Variants in LRP6 observed in about 807,000 individuals in gnomAD.
LRP6 encodes the protein low-density lipoprotein receptor-related protein 6.
Under a neutral mutation model 184.1 loss-of-function variants are expected in LRP6, and 43 were observed. The ratio of observed to expected loss-of-function variants is 0.23; its 90% CI spans 0.18 to 0.30. The LOEUF (loss-of-function observed/expected upper bound fraction) is 0.30. Ranked by LOEUF, LRP6 falls within the 10% of genes least tolerant of loss-of-function variation. The pLI, the probability that LRP6 is intolerant of heterozygous loss-of-function variation, is 1.00. For synonymous variants in LRP6, 719 were observed against 684.9 expected (o/e 1.05, Z -0.78); for missense variants, 1,571 against 2,005.3 (o/e 0.78, Z 4.14).
chr12:12,258,169 T>G (rs1344642429), intron 1 of LRP6, among the ~76,000 whole-genome samples: 1 of 152,166 alleles, frequency 6.6e-6, no homozygotes, highest in Non-Finnish European at 1.5e-5. Context: ...TGATATGGAG[T>G]GCAGTGGCAT....
At chr12:12,225,885 AAG>A (rs984412571) in intron 2 of LRP6, among the ~76,000 whole-genome samples, 2 of 151,870 alleles carry the variant, frequency 1.3e-5, no homozygotes, top group African/African-American at 4.8e-5. Context: ...AAAAAAAAAA[AAG>A]AGAGAGACCT....
intron 2 of LRP6, among the ~76,000 whole-genome samples, chr12:12,235,378 T>C (rs1864905468): frequency 6.6e-6 from 1 of 152,156 alleles, no homozygotes; most frequent in Non-Finnish European, 1.5e-5. Context: ...TATGTGTGTC[T>C]ACATACATCA....
At chr12:12,126,558 T>C (rs1949674099) in intron 20 of LRP6, 133 bp downstream of exon 20, 3 of 744,998 alleles carry the variant, frequency 4.0e-6, no homozygotes, top group Middle Eastern at 3.2e-4. Context: ...AAAAGAACGT[T>C]TGTCCTTATA....
chr12:12,196,784 C>T (rs553625380), intron 3 of LRP6, among the ~76,000 whole-genome samples: 2 of 152,290 alleles, frequency 1.3e-5, no homozygotes, highest in East Asian at 3.9e-4. Context: ...TGACCAGACT[C>T]ATGATGAATT....
intron 2 of LRP6, among the ~76,000 whole-genome samples, chr12:12,213,209 T>C (rs1864255182): frequency 6.6e-6 from 1 of 152,190 alleles, no homozygotes; most frequent in African/African-American, 2.4e-5. Context: ...TTTTGGTATG[T>C]ATATTTTCAC....
intron 2 of LRP6, among the ~76,000 whole-genome samples, chr12:12,218,157 T>C (rs1037148772): frequency 6.6e-6 from 1 of 152,044 alleles, no homozygotes; most frequent in African/African-American, 2.4e-5. Flanking sequence ...CCAGAATATA[T>C]AAAGAGCTCT....
chr12:12,157,821 C>T (rs1862635851), intron 12 of LRP6, among the ~76,000 whole-genome samples: 1 of 151,986 alleles, frequency 6.6e-6, no homozygotes, highest in African/African-American at 2.4e-5. Flanking sequence ...TCGTATCTAC[C>T]AATTTGTTCT....
chr12:12,263,418 T>C (rs1865676226), intron 1 of LRP6, among the ~76,000 whole-genome samples: 1 of 146,058 alleles, frequency 6.8e-6, no homozygotes, highest in African/African-American at 2.6e-5. Context: ...TACTAAAAAA[T>C]ACAAAAAAAT....
At chr12:12,196,203 AT>A (rs138570486) in intron 3 of LRP6, among the ~76,000 whole-genome samples, 300 of 141,934 alleles carry the variant, frequency 2.1e-3, no homozygotes, top group South Asian at 5.9e-3. Context: ...AAATTTTAGG[AT>A]TTTTTTTTTT....
chr12:12,261,205 G>C (rs976189872), intron 1 of LRP6, among the ~76,000 whole-genome samples: 5 of 152,130 alleles, frequency 3.3e-5, no homozygotes, highest in Non-Finnish European at 5.9e-5. Context: ...CGGATCACGA[G>C]ATCAGGAGAT....
chr12:12,182,221 A>T (rs1291218754), intron 5 of LRP6, among the ~76,000 whole-genome samples: 1 of 152,196 alleles, frequency 6.6e-6, no homozygotes, highest in Non-Finnish European at 1.5e-5. Flanking sequence ...GGATTAAAGG[A>T]GATAAATCTA....
intron 19 of LRP6, among the ~76,000 whole-genome samples, chr12:12,128,603 C>G (rs1949705605): frequency 6.6e-6 from 1 of 152,082 alleles, no homozygotes; most frequent in Admixed American, 6.6e-5. Flanking sequence ...CTCCTAGATT[C>G]CAGGGGTAAA....
intron 2 of LRP6, among the ~76,000 whole-genome samples, chr12:12,217,243 C>T (rs1395193694): frequency 6.6e-6 from 1 of 152,094 alleles, no homozygotes; most frequent in Non-Finnish European, 1.5e-5. Context: ...CTCATAAGAG[C>T]ATAAACCCTA....
At chr12:12,125,176 G>A in intron 21 of LRP6, 120 bp downstream of exon 21, 1 of 1,163,920 alleles carries the variant, frequency 8.6e-7, no homozygotes, top group Admixed American at 1.8e-5. Flanking sequence ...AGCCTTTTAT[G>A]CCTAAATTTT....
chr12:12,249,831 C>G (rs1278256594), intron 1 of LRP6, among the ~76,000 whole-genome samples: 2 of 152,058 alleles, frequency 1.3e-5, no homozygotes, highest in Non-Finnish European at 1.5e-5. Flanking sequence ...TTTTGTTGGC[C>G]ATCTCTACCT....
At chr12:12,206,807 T>C (rs1428639943) in intron 2 of LRP6, among the ~76,000 whole-genome samples, 3 of 151,564 alleles carry the variant, frequency 2.0e-5, no homozygotes, top group African/African-American at 4.9e-5. Flanking sequence ...CTTTGTGTTT[T>C]CAGGAGGGAG....
chr12:12,228,623 G>T (rs1354397681), intron 2 of LRP6, among the ~76,000 whole-genome samples: 1 of 152,178 alleles, frequency 6.6e-6, no homozygotes, highest in East Asian at 1.9e-4. Context: ...CCTGAGCTCT[G>T]CCTCCTGTCA....
At chr12:12,182,086 A>AT (rs1863358563) in intron 5 of LRP6, among the ~76,000 whole-genome samples, 1 of 152,342 alleles carries the variant, frequency 6.6e-6, no homozygotes, top group Admixed American at 6.5e-5. Flanking sequence ...CCAGATAAAC[A>AT]TAACACAGTG....
At chr12:12,196,208 T>TC (rs1863756259) in intron 3 of LRP6, among the ~76,000 whole-genome samples, 1 of 152,068 alleles carries the variant, frequency 6.6e-6, no homozygotes, top group East Asian at 1.9e-4. Context: ...TTAGGATTTT[T>TC]TTTTTTTTCT....
Sources: gnomAD v4.1 joint callset for allele counts (sites outside exome capture counted in the v4.1 genomes callset) on GRCh38, gnomAD v4.1.1 for gene constraint, MANE v1.5 for transcripts, NCBI Gene and HGNC (gene_info 2026-07-23, HGNC 2026-07-21) for gene names.